DAPK2: variants seen among roughly 807,000 people sequenced by gnomAD.
DAPK2 encodes death associated protein kinase 2, also known as death-associated protein kinase 2.
DAPK2 carries 35 observed loss-of-function variants against 44.1 expected under a neutral mutation model. The ratio of observed to expected loss-of-function variants is 0.79; its 90% CI spans 0.61 to 1.05. The LOEUF (loss-of-function observed/expected upper bound fraction) is 1.05. DAPK2 is among the 50% of genes least tolerant of loss of function. The pLI is 0.00. For synonymous variants in DAPK2, 174 were observed against 182.6 expected (o/e 0.95, Z 0.38); for missense variants, 453 against 483.2 (o/e 0.94, Z 0.59).
intron 6 of DAPK2, among the ~76,000 whole-genome samples, chr15:63,927,075 T>C (rs558304532): frequency 6.6e-6 from 1 of 152,290 alleles, no homozygotes; most frequent in East Asian, 1.9e-4. Flanking sequence ...CCTTGTGTAG[T>C]TTCCTCATCT....
chr15:63,977,065 T>C (rs542102565), intron 2 of DAPK2, among the ~76,000 whole-genome samples: 1 of 151,484 alleles, frequency 6.6e-6, no homozygotes, highest in South Asian at 2.1e-4. Flanking sequence ...TGGCCTAGTT[T>C]TCCAACATAT....
In DAPK2 at chr15:64,046,098, G is replaced by A. The variant is rs1005814898; in HGVS notation, c.-7+200C>T. Among the ~76,000 whole-genome samples the A allele has an allele frequency of 6.6e-6, 1 of 152,146 alleles. No homozygotes were observed. Among genetic ancestry groups the A allele is most frequent in the African/African-American group, 2.4e-5 (1 of 41,440 alleles). On this transcript the variant is annotated intron_variant, in intron 1 of 11. Coordinates refer to the DAPK2 transcript ENST00000457488. The surrounding 1 kb of genome is among the most constrained non-coding windows in gnomAD (Gnocchi z 5.3). ...TGCCAGGCTCCGGAGGGCGCCCCAG[G>A]GCAGCGGCGGGCAGCTCCCGCGCTC...
intron 4 of DAPK2, among the ~76,000 whole-genome samples, chr15:63,938,650 G>A (rs1189888528): frequency 5.3e-5 from 8 of 152,096 alleles, no homozygotes; most frequent in Admixed American, 2.0e-4. Context: ...CCCAATCTCC[G>A]GCCCAAGCCC....
At chr15:63,919,077 G>A (rs1567200771) in intron 8 of DAPK2, 1 of 152,134 alleles carries the variant, frequency 6.6e-6, no homozygotes, top group South Asian at 2.1e-4. Context: ...CAGGCCCCCG[G>A]GCTCCCCCAG....
At chr15:64,028,045 T>TCTAC (rs1555483140) in intron 1 of DAPK2, among the ~76,000 whole-genome samples, 4 of 151,794 alleles carry the variant, frequency 2.6e-5, no homozygotes, top group Middle Eastern at 3.2e-3. Flanking sequence ...TATCTATCTA[T>TCTAC]CTATCTATCT....
intron 1 of DAPK2, among the ~76,000 whole-genome samples, chr15:63,996,653 A>C (rs1165930062): frequency 6.6e-6 from 1 of 152,184 alleles, no homozygotes; most frequent in Non-Finnish European, 1.5e-5. Context: ...CCATCACTGC[A>C]GCGTTCACTC....
At chr15:63,927,911 G>GT (rs933174805) in intron 6 of DAPK2, among the ~76,000 whole-genome samples, 15 of 152,014 alleles carry the variant, frequency 9.9e-5, no homozygotes, top group African/African-American at 3.6e-4. Context: ...CACCTAGCTA[G>GT]TTTTTTGTTT....
intron 3 of DAPK2, among the ~76,000 whole-genome samples, chr15:63,961,948 G>C (rs1209397614): frequency 1.3e-5 from 2 of 152,150 alleles, no homozygotes; most frequent in Non-Finnish European, 2.9e-5. Context: ...TTTCCAACCT[G>C]GTTCCACTCT....
intron 1 of DAPK2, among the ~76,000 whole-genome samples, chr15:64,021,273 C>T (rs995086464): frequency 1.3e-5 from 2 of 152,154 alleles, no homozygotes; most frequent in Non-Finnish European, 2.9e-5. Flanking sequence ...CGATGTGGGA[C>T]GACTCTGGCA....
intron 3 of DAPK2, among the ~76,000 whole-genome samples, chr15:63,950,202 A>C (rs1205260697): frequency 1.3e-5 from 2 of 152,202 alleles, no homozygotes; most frequent in Non-Finnish European, 2.9e-5. Context: ...TATGAGGGAT[A>C]ACTTATTAGA....
At position 64,030,984 on chromosome 15, in the gene DAPK2, A is replaced by ACACACACACAC. The variant is rs1315316954; in HGVS notation, c.92+9175_92+9185dup. Among the ~76,000 whole-genome samples, 3 of 148,870 alleles carry ACACACACACAC rather than the reference A, an allele frequency of 2.0e-5. No individual in the cohort carries two copies. In the East Asian group the frequency reaches 5.9e-4, roughly 29 times the overall value. On this transcript the variant is annotated intron_variant, in intron 1 of 10. Coordinates refer to ENST00000261891, the Ensembl canonical transcript of DAPK2. Reference sequence around the variant, plus strand: ...CCTGTCTCAAAATACACACATACACACACACACACACACACACACACACAC... The same window carrying ACACACACACAC: ...CCTGTCTCAAAATACACACATACACACACACACACACCACACACACACACACACACACACAC...
At chr15:64,003,903 C>T (rs1019527018) in intron 1 of DAPK2, among the ~76,000 whole-genome samples, 1 of 152,230 alleles carries the variant, frequency 6.6e-6, no homozygotes, top group Non-Finnish European at 1.5e-5. Flanking sequence ...TGGCACCTGG[C>T]CTATCACACC....
intron 1 of DAPK2, among the ~76,000 whole-genome samples, chr15:64,045,814 C>G (rs901541246): frequency 2.0e-5 from 3 of 152,232 alleles, no homozygotes; most frequent in African/African-American, 4.8e-5. Context: ...TACCCCAGGC[C>G]GGGGCGCCTG....
In DAPK2 at chr15:63,966,283, T is replaced by C. The variant is rs1201998186; in HGVS notation, c.453+5140A>G. 6.6e-6 allele frequency among the ~76,000 whole-genome samples: 1 copy of C among 152,228 alleles called. No homozygotes were observed. Among genetic ancestry groups the C allele is most frequent in the Non-Finnish European group, 1.5e-5 (1 of 68,032 alleles). ...CTCTGCCTTGTGCCCTTTCTTACTG[T>C]GGCTGAGCTGGTATCCAAATTGCAA... On this transcript the variant is annotated intron_variant, in intron 3 of 10. Transcript: ENST00000261891. The surrounding 1 kb of genome is among the most constrained non-coding windows in gnomAD (Gnocchi z 5.5).
At chr15:63,971,860 T>G (rs2078222498) in intron 2 of DAPK2, among the ~76,000 whole-genome samples, 1 of 152,200 alleles carries the variant, frequency 6.6e-6, no homozygotes, top group Admixed American at 6.5e-5. Context: ...CCCTCTCCCC[T>G]CCATATGCCT....
chr15:63,956,897 T>C (rs913452999), intron 3 of DAPK2, among the ~76,000 whole-genome samples: 3 of 152,218 alleles, frequency 2.0e-5, no homozygotes, highest in African/African-American at 7.2e-5. Context: ...AAAAATTTTT[T>C]AAAGACTTTT....
At position 64,005,389 on chromosome 15, in the gene DAPK2, AAGAGC is replaced by A. The variant is rs546844728; in HGVS notation, c.93-21640_93-21636del. On this transcript the variant is annotated intron_variant, in intron 1 of 10. Transcript: ENST00000261891. ...TTCAGCCACCACAGATACTAGATACAAGAGCAGAAACTTACCTTTCCTTGACCTAA... is the reference window on the plus strand; with the variant it reads ...TTCAGCCACCACAGATACTAGATACAAGAAACTTACCTTTCCTTGACCTAA... Among the ~76,000 whole-genome samples, 578 of 151,242 alleles carry A rather than the reference AAGAGC, an allele frequency of 3.8e-3. 1 individual carries two copies. Among genetic ancestry groups the A allele is most frequent in the Admixed American group, 6.0e-3 (90 of 15,104 alleles).
chr15:64,044,642 C>G, upstream of DAPK2, among the ~76,000 whole-genome samples: 1 of 152,164 alleles, frequency 6.6e-6, no homozygotes, highest in Admixed American at 6.5e-5. Context: ...CCAGGGTTGG[C>G]AAAGTCAGTG....
At chr15:64,025,268 A>G (rs1236810362) in intron 1 of DAPK2, among the ~76,000 whole-genome samples, 1 of 152,238 alleles carries the variant, frequency 6.6e-6, no homozygotes, top group Admixed American at 6.5e-5. Context: ...AAAAATACCT[A>G]TAATCTCATA....
Sources: gnomAD v4.1 joint callset for allele counts (sites outside exome capture counted in the v4.1 genomes callset) on GRCh38, gnomAD v4.1.1 for gene constraint, Gnocchi (gnomAD v3.1) non-coding constraint, MANE v1.5 for transcripts, NCBI Gene and HGNC (gene_info 2026-07-23, HGNC 2026-07-21) for gene names.